Variants in ITPRID1 observed in about 807,000 individuals in gnomAD.
ITPRID1 encodes the protein ITPR interacting domain containing 1, also known as protein ITPRID1.
A neutral mutation model predicts 95.4 loss-of-function variants in ITPRID1; 96 were observed. That is an observed-to-expected ratio of 1.01 (90% CI 0.85 to 1.19). The LOEUF (loss-of-function observed/expected upper bound fraction) is 1.19. Among genes scored for constraint, ITPRID1 ranks in the 50% most tolerant of loss-of-function variants. The pLI, the probability that ITPRID1 is intolerant of heterozygous loss-of-function variation, is 0.00. For missense variants in ITPRID1, 1,339 were observed against 1,252.9 expected, an observed-to-expected ratio of 1.07 and a Z score of -1.04; for synonymous variants, 510 against 453.6, an observed-to-expected ratio of 1.12 and a Z score of -1.58.
intron 5 of ITPRID1, among the ~76,000 whole-genome samples, chr7:31,562,194 A>G (rs79148011): frequency 0.014 from 2,177 of 152,166 alleles, 60 homozygotes; most frequent in African/African-American, 0.05. Context: ...TGCGAGTGAG[A>G]GTGCATTGTC....
intron 10 of ITPRID1, among the ~76,000 whole-genome samples, chr7:31,627,060 T>A (rs889766229): frequency 6.6e-6 from 1 of 152,236 alleles, no homozygotes; most frequent in African/African-American, 2.4e-5. Context: ...CTTATTACTA[T>A]GAAATACAAT....
chr7:31,616,764 A>C (rs1183609070), intron 10 of ITPRID1, among the ~76,000 whole-genome samples: 1 of 151,776 alleles, frequency 6.6e-6, no homozygotes, highest in Non-Finnish European at 1.5e-5. Flanking sequence ...AGACAAGAAA[A>C]GACAAAACCA....
chr7:31,557,495 G>T (rs937642751), intron 5 of ITPRID1, among the ~76,000 whole-genome samples: 1 of 152,120 alleles, frequency 6.6e-6, no homozygotes, highest in Non-Finnish European at 1.5e-5. Context: ...GGCTGTCATG[G>T]TCATCTGCAG....
chr7:31,627,599 G>A (rs977446364), intron 10 of ITPRID1, among the ~76,000 whole-genome samples: 12 of 134,562 alleles, frequency 8.9e-5, no homozygotes, highest in Admixed American at 4.5e-4. Context: ...TCATGGCTAC[G>A]CAGTAAGCTG....
In ITPRID1 at chr7:31,569,781, G is replaced by C. The variant is rs1420498122; in HGVS notation, c.280G>C (p.Val94Leu). Residue 94 changes from valine (V) to leucine (L), a missense_variant, in exon 6 of 15, where the codon GTT becomes CTT. Val to Leu is a conservative substitution (Grantham distance 32). Transcript: ENST00000615280. ...RTVSLYEQGM[V>L]QMTVKDYMRS... ...AGTTTCTTTGTATGAACAAGGGATG[G>C]TTCAAATGACTGTGAAAGACTACAT... 1.9e-6 allele frequency: 3 copies of C among 1,587,384 alleles called. No homozygotes were observed. The East Asian group carries it at 6.8e-5, about 36-fold the overall frequency.
rs200034335 is a variant in ITPRID1 at position 31,554,500 on chromosome 7, G to T, written c.189G>T (p.Gln63His). 9 of 1,613,000 alleles carry T rather than the reference G, an allele frequency of 5.6e-6. No individual in the cohort carries two copies. Among genetic ancestry groups the T allele is most frequent in the Middle Eastern group, 1.7e-4 (1 of 6,056 alleles). Residue 63 changes from glutamine to histidine, a missense_variant, in exon 4 of 15, where the codon CAG becomes CAT. Coordinates refer to ENST00000615280, the MANE Select transcript of ITPRID1 (RefSeq NM_001257967.3). ...AAGATTCCAAGCAAGAAAGTATTCA[G>T]CAGTGGCTGGACTCTGGATTCTTGT... ...MLEDSKQESIQQWLDSGFFVS... is the reference protein window; with the variant it reads ...MLEDSKQESIHQWLDSGFFVS...
At chr7:31,622,681 C>G (rs557165981) in intron 10 of ITPRID1, among the ~76,000 whole-genome samples, 1 of 152,018 alleles carries the variant, frequency 6.6e-6, no homozygotes, top group Non-Finnish European at 1.5e-5. Context: ...GACACCCTAA[C>G]ATCACAATTA....
intron 10 of ITPRID1, 78 bp from the exon 11 acceptor site, chr7:31,642,098 C>A: frequency 1.1e-6 from 1 of 916,824 alleles, no homozygotes; most frequent in Non-Finnish European, 1.7e-6. Context: ...GTGTGTCAGG[C>A]ACCTAGAGGG....
At chr7:31,540,980 C>A (rs1162138153) in intron 1 of ITPRID1, among the ~76,000 whole-genome samples, 1 of 152,140 alleles carries the variant, frequency 6.6e-6, no homozygotes. Flanking sequence ...CCAGTTTTTC[C>A]AGTTGTGCCC....
At chr7:31,568,148 T>G (rs1001418338) in intron 5 of ITPRID1, among the ~76,000 whole-genome samples, 1 of 151,900 alleles carries the variant, frequency 6.6e-6, no homozygotes, top group Admixed American at 6.6e-5. Context: ...CACTATTTAC[T>G]TGCAAGTCAG....
intron 10 of ITPRID1, among the ~76,000 whole-genome samples, chr7:31,613,820 T>G (rs1293382467): frequency 6.6e-6 from 1 of 152,232 alleles, no homozygotes; most frequent in Admixed American, 6.5e-5. Context: ...CTTTTTGCCC[T>G]CTGCACAGCA....
At chr7:31,595,445 G>T (rs975879270) in intron 10 of ITPRID1, among the ~76,000 whole-genome samples, 6 of 152,006 alleles carry the variant, frequency 3.9e-5, no homozygotes, top group African/African-American at 1.4e-4. Flanking sequence ...AAGTAAAAGT[G>T]ACATCTTCCA....
chr7:31,614,718 G>T (rs1787043382), intron 10 of ITPRID1, among the ~76,000 whole-genome samples: 1 of 150,208 alleles, frequency 6.7e-6, no homozygotes, highest in Non-Finnish European at 1.5e-5. Flanking sequence ...GTGGCACAGT[G>T]AGCTGCATTA....
rs548229974 is a variant in ITPRID1, at chr7:31,655,820, G to C, written c.*2991G>C. ...ACCTCCCCTTCTCCATGTAGACTCC[G>C]AGCTCTCCTGCAGTTTCTTCCTTGC... On this transcript the variant is annotated 3_prime_UTR_variant, in exon 15 of 15. Coordinates refer to ENST00000615280, the MANE Select transcript of ITPRID1 (RefSeq NM_001257967.3). 1.0e-6 allele frequency: 1 copy of C among 985,492 alleles called. No homozygotes were observed. The highest frequency in any genetic ancestry group is 1.2e-6 in the Non-Finnish European group (1 of 829,986). 61.0% of individuals were successfully genotyped at this position (985,492 alleles called of 1,614,324 possible).
At chr7:31,575,999 G>A (rs1246821036) in intron 8 of ITPRID1, among the ~76,000 whole-genome samples, 3 of 152,134 alleles carry the variant, frequency 2.0e-5, no homozygotes, top group African/African-American at 7.2e-5. Flanking sequence ...GCAGCACAGA[G>A]ATGCAAATTC....
chr7:31,615,453 CAGTT>C (rs772079988), intron 10 of ITPRID1, among the ~76,000 whole-genome samples: 4 of 152,072 alleles, frequency 2.6e-5, no homozygotes, highest in Non-Finnish European at 5.9e-5. Flanking sequence ...CAGTAAATGG[CAGTT>C]AGTTATTAGT....
chr7:31,553,703 C>A (rs571057159), intron 3 of ITPRID1, among the ~76,000 whole-genome samples: 8 of 152,228 alleles, frequency 5.3e-5, no homozygotes, highest in African/African-American at 1.7e-4. Context: ...AACTGAAGAA[C>A]AATACAGACC....
chr7:31,635,566 T>C (rs1411825151), intron 10 of ITPRID1, among the ~76,000 whole-genome samples: 3 of 152,212 alleles, frequency 2.0e-5, no homozygotes, highest in East Asian at 1.9e-4. Context: ...GCAACAGTTA[T>C]ATCACAAGTA....
intron 5 of ITPRID1, among the ~76,000 whole-genome samples, chr7:31,562,231 C>G (rs1784650418): frequency 6.6e-6 from 1 of 152,030 alleles, no homozygotes; most frequent in Non-Finnish European, 1.5e-5. Flanking sequence ...AAGACACATA[C>G]AATGAGTGCA....
Sources: gnomAD v4.1 joint callset for allele counts (sites outside exome capture counted in the v4.1 genomes callset) on GRCh38, gnomAD v4.1.1 for gene constraint, MANE v1.5 for transcripts, NCBI Gene and HGNC (gene_info 2026-07-23, HGNC 2026-07-21) for gene names.